Variants in LCLAT1 observed in about 807,000 individuals in gnomAD.
The protein encoded by LCLAT1 is lysocardiolipin acyltransferase 1, also known as 1-AGP acyltransferase 8.
A neutral mutation model predicts 30.7 loss-of-function variants in LCLAT1; 11 were observed. The ratio of observed to expected loss-of-function variants is 0.36; its 90% CI spans 0.23 to 0.59. The LOEUF is 0.59. Ranked by LOEUF, LCLAT1 falls within the 20% of genes least tolerant of loss-of-function variation. The pLI, the probability that LCLAT1 is intolerant of heterozygous loss-of-function variation, is 0.77. For missense variants in LCLAT1, 402 were observed against 458.6 expected, an observed-to-expected ratio of 0.88 and a Z score of 1.13; for synonymous variants, 155 against 151.3, an observed-to-expected ratio of 1.02 and a Z score of -0.18.
chr2:30,541,106 C>G (rs1664116292), intron 3 of LCLAT1, among the ~76,000 whole-genome samples: 1 of 151,970 alleles, frequency 6.6e-6, no homozygotes, highest in Admixed American at 6.6e-5. Flanking sequence ...TGTCTCTTGT[C>G]CATTTTCTGT....
At chr2:30,618,337 G>T (rs1668089748) in intron 5 of LCLAT1, among the ~76,000 whole-genome samples, 1 of 152,130 alleles carries the variant, frequency 6.6e-6, no homozygotes, top group African/African-American at 2.4e-5. Flanking sequence ...CTTTGAATCT[G>T]TAGAGCATTT....
intron 3 of LCLAT1, among the ~76,000 whole-genome samples, chr2:30,557,060 A>C (rs889184130): frequency 6.6e-6 from 1 of 152,012 alleles, no homozygotes; most frequent in Non-Finnish European, 1.5e-5. Context: ...CTCTTATAAT[A>C]ATGTGACATT....
At chr2:30,528,758 T>C (rs1350012087) in intron 2 of LCLAT1, among the ~76,000 whole-genome samples, 2 of 152,340 alleles carry the variant, frequency 1.3e-5, no homozygotes, top group Non-Finnish European at 2.9e-5. Context: ...ACCACAGTAC[T>C]AGTAAAAAAT....
chr2:30,526,032 T>TC (rs1170161314), intron 2 of LCLAT1, among the ~76,000 whole-genome samples: 1 of 152,212 alleles, frequency 6.6e-6, no homozygotes, highest in Non-Finnish European at 1.5e-5. Flanking sequence ...CATCCTTTTT[T>TC]CCCATGAATA....
chr2:30,449,925 G>C lies in LCLAT1; in HGVS notation c.-5+2542G>C, dbSNP rs573003960. ...AAAACTGATTTTAGTTAAGCTTGTT[G>C]TTTTGATATACTTGTGCTAATTTTT... On this transcript the variant is annotated intron_variant, in intron 1 of 5. Transcript: ENST00000379509. 3.9e-5 allele frequency among the ~76,000 whole-genome samples: 6 copies of C among 152,252 alleles called. No individual in the cohort carries two copies. In the East Asian group the frequency reaches 1.2e-3, roughly 29 times the overall value.
intron 5 of LCLAT1, among the ~76,000 whole-genome samples, chr2:30,596,059 CTG>C (rs1271848348): frequency 6.6e-6 from 1 of 152,106 alleles, no homozygotes; most frequent in East Asian, 1.9e-4. Context: ...TAGGCTGATT[CTG>C]TGTCTTTGCT....
At chr2:30,529,152 G>A (rs533836617) in intron 2 of LCLAT1, among the ~76,000 whole-genome samples, 1 of 152,052 alleles carries the variant, frequency 6.6e-6, no homozygotes, top group Non-Finnish European at 1.5e-5. Flanking sequence ...AAATAAATTA[G>A]GATAAATGCA....
intron 1 of LCLAT1, among the ~76,000 whole-genome samples, chr2:30,476,118 A>G (rs903250292): frequency 3.9e-5 from 6 of 152,220 alleles, no homozygotes; most frequent in South Asian, 2.1e-4. Flanking sequence ...CAAGTAACTA[A>G]TGCATCAAGA....
At chr2:30,505,063 A>G (rs1245473134) in intron 1 of LCLAT1, among the ~76,000 whole-genome samples, 1 of 152,058 alleles carries the variant, frequency 6.6e-6, no homozygotes, top group African/African-American at 2.4e-5. Context: ...TAGTATTTGG[A>G]TGTACCATAG....
chr2:30,569,395 A>G (rs1349278440), intron 5 of LCLAT1, among the ~76,000 whole-genome samples: 50 of 152,258 alleles, frequency 3.3e-4, no homozygotes, highest in Non-Finnish European at 2.9e-5. Context: ...TCGGAAACAT[A>G]CTGAAGTGTT....
intron 1 of LCLAT1, among the ~76,000 whole-genome samples, chr2:30,460,698 T>C (rs1414568903): frequency 2.0e-5 from 3 of 152,190 alleles, no homozygotes; most frequent in Non-Finnish European, 4.4e-5. Context: ...ATAAGGTGAC[T>C]CTGGGTGGGC....
chr2:30,572,559 GC>G (rs1432057681), intron 5 of LCLAT1, among the ~76,000 whole-genome samples: 1 of 152,212 alleles, frequency 6.6e-6, no homozygotes, highest in African/African-American at 2.4e-5. Context: ...CACCTGTGGA[GC>G]CTGGCTCCGT....
chr2:30,617,492 G>A (rs2602808), intron 5 of LCLAT1, among the ~76,000 whole-genome samples: 130,737 of 152,186 alleles, frequency 0.86, 56,392 homozygotes, highest in East Asian at 0.94. Context: ...AATTGCTACA[G>A]ACATTTTTGT....
intron 3 of LCLAT1, among the ~76,000 whole-genome samples, chr2:30,548,734 A>AG (rs1019175766): frequency 6.0e-5 from 9 of 149,362 alleles, no homozygotes; most frequent in African/African-American, 2.3e-4. Context: ...TTTTTCCCAC[A>AG]AAAAACTTTA....
At chr2:30,584,207 G>C (rs150959938) in intron 5 of LCLAT1, among the ~76,000 whole-genome samples, 1 of 152,168 alleles carries the variant, frequency 6.6e-6, no homozygotes, top group Non-Finnish European at 1.5e-5. Context: ...CCGTGTAGCA[G>C]TTTAACTGTA....
chr2:30,612,771 GA>G (rs1329062286), intron 5 of LCLAT1, among the ~76,000 whole-genome samples: 2 of 152,102 alleles, frequency 1.3e-5, no homozygotes, highest in Non-Finnish European at 2.9e-5. Context: ...GGCTGTTAGG[GA>G]AGGCTCTATT....
At chr2:30,530,718 A>T (rs79885129) in intron 2 of LCLAT1, among the ~76,000 whole-genome samples, 10,339 of 152,038 alleles carry the variant, frequency 0.068, 624 homozygotes, top group African/African-American at 0.16. Context: ...GCCTTTAAAA[A>T]TTTTTTGTAG....
At chr2:30,574,651 T>G (rs1279224272) in intron 5 of LCLAT1, among the ~76,000 whole-genome samples, 1 of 152,086 alleles carries the variant, frequency 6.6e-6, no homozygotes, top group East Asian at 1.9e-4. Context: ...AAGGTACGGG[T>G]AGACTGCATG....
chr2:30,462,659 G>C (rs1457907536), intron 1 of LCLAT1, among the ~76,000 whole-genome samples: 2 of 152,210 alleles, frequency 1.3e-5, no homozygotes, highest in Non-Finnish European at 2.9e-5. Flanking sequence ...TTGTGCTAAA[G>C]CTTTGTCCTT....
Sources: allele counts gnomAD v4.1 joint callset (sites outside exome capture counted in the v4.1 genomes callset), GRCh38; gene constraint gnomAD v4.1.1; transcripts MANE v1.5; gene names NCBI Gene and HGNC (gene_info 2026-07-23, HGNC 2026-07-21).